CDYL2: variants seen among roughly 807,000 people sequenced by gnomAD.
The protein encoded by CDYL2 is chromodomain Y like 2.
A neutral mutation model predicts 49.4 loss-of-function variants in CDYL2; 23 were observed. That is an observed-to-expected ratio of 0.47 (90% CI 0.34 to 0.66). The LOEUF is 0.66. CDYL2 is among the 30% of genes least tolerant of loss of function. The pLI, the probability that CDYL2 is intolerant of heterozygous loss-of-function variation, is 0.01. For synonymous variants in CDYL2, 360 were observed against 268.8 expected (o/e 1.34, Z -3.32); for missense variants, 678 against 656.4 (o/e 1.03, Z -0.36).
At chr16:80,749,849 A>G (rs1225766174) in intron 1 of CDYL2, among the ~76,000 whole-genome samples, 7 of 152,206 alleles carry the variant, frequency 4.6e-5, no homozygotes, top group East Asian at 1.9e-4. Flanking sequence ...ATGTCCATCA[A>G]TGATAGACTG....
intron 1 of CDYL2, among the ~76,000 whole-genome samples, chr16:80,754,625 C>T (rs1411263893): frequency 6.6e-6 from 1 of 152,172 alleles, no homozygotes; most frequent in East Asian, 1.9e-4. Context: ...GGACAAGTCA[C>T]TTAGCTGTTG....
intron 2 of CDYL2, chr16:80,679,859 G>A (rs1909902983): frequency 4.5e-6 from 2 of 448,230 alleles, no homozygotes; most frequent in Non-Finnish European, 4.5e-6. Context: ...TCTGCTGGAG[G>A]TGCAGATTCT....
Position 80,787,384 on chromosome 16 carries a change from G to A in CDYL2, c.24+16766C>T, listed in dbSNP as rs552567601. Among the ~76,000 whole-genome samples, 101 of 152,306 alleles carry A rather than the reference G, an allele frequency of 6.6e-4. 1 individual carries two copies. In the South Asian group the frequency reaches 7.7e-3, roughly 12 times the overall value. ...CCAGTACTTCCATGCCAAAATGGAA[G>A]AGACTGCCCTTCAAAGCAAAGCACT... On this transcript the variant is annotated intron_variant, in intron 1 of 6. Coordinates refer to ENST00000570137, the MANE Select transcript of CDYL2 (RefSeq NM_152342.4).
At chr16:80,626,275 TAAAAAAAAA>T (rs11358031) in intron 3 of CDYL2, among the ~76,000 whole-genome samples, 5 of 92,298 alleles carry the variant, frequency 5.4e-5, no homozygotes, top group East Asian at 6.3e-4. Flanking sequence ...AAATCCCATC[TAAAAAAAAA>T]AAAAAAAAAA....
rs10673992 is a variant in CDYL2 at position 80,709,561 on chromosome 16, GACACACACACACACACACAC to G, written c.25-24452_25-24433del. On this transcript the variant is annotated intron_variant, in intron 1 of 6. Transcript: ENST00000570137. ...AAACTGAGCCATGCAGGAATAAACA[GACACACACACACACACACAC>G]ACACACACACACACTTCCTCAAACA... is the stretch of plus-strand genomic sequence containing the variant. Among the ~76,000 whole-genome samples the G allele has an allele frequency of 2.8e-5, 4 of 143,754 alleles. No homozygotes were observed. The East Asian group carries it at 8.3e-4, about 30-fold the overall frequency. The allele number at this position is 143,754 out of a possible 152,430, so 94.3% of individuals were successfully genotyped here. A position where few individuals can be genotyped will look rare whatever the true frequency, so the allele number is the denominator to read the frequency against.
intron 1 of CDYL2, among the ~76,000 whole-genome samples, chr16:80,703,305 A>C (rs948423009): frequency 2.0e-5 from 3 of 152,232 alleles, no homozygotes; most frequent in African/African-American, 7.2e-5. Flanking sequence ...ATTTACCTCC[A>C]CAACTAGACT....
At chr16:80,685,905 T>C (rs17825655) in intron 1 of CDYL2, among the ~76,000 whole-genome samples, 2,551 of 152,276 alleles carry the variant, frequency 0.017, 28 homozygotes, top group Admixed American at 0.026. Flanking sequence ...GGACTTGAAC[T>C]GAAAATGTCC....
chr16:80,732,483 T>C (rs767397879), intron 1 of CDYL2, among the ~76,000 whole-genome samples: 1 of 152,290 alleles, frequency 6.6e-6, no homozygotes, highest in Middle Eastern at 3.4e-3. Context: ...TATAAACATA[T>C]AAGCTTGAAT....
At chr16:80,663,871 T>A (rs917493652) in intron 2 of CDYL2, among the ~76,000 whole-genome samples, 1 of 152,112 alleles carries the variant, frequency 6.6e-6, no homozygotes, top group Non-Finnish European at 1.5e-5. Flanking sequence ...GGATTAGAGG[T>A]GTGAGCCACT....
intron 1 of CDYL2, among the ~76,000 whole-genome samples, chr16:80,788,256 G>A (rs1325715646): frequency 6.6e-6 from 1 of 152,276 alleles, no homozygotes; most frequent in East Asian, 1.9e-4. Context: ...GACTTAAATG[G>A]TTTCCACCAT....
At chr16:80,655,400 T>G (rs560291488) in intron 2 of CDYL2, among the ~76,000 whole-genome samples, 1 of 152,276 alleles carries the variant, frequency 6.6e-6, no homozygotes, top group Non-Finnish European at 1.5e-5. Context: ...TGTGCCCTCA[T>G]GGAGCTTGCT....
intron 1 of CDYL2, among the ~76,000 whole-genome samples, chr16:80,803,564 G>C (rs1438275916): frequency 1.3e-5 from 2 of 151,200 alleles, no homozygotes; most frequent in East Asian, 4.0e-4. Flanking sequence ...CCCGGGGAGC[G>C]GTTTGGCGGT....
At chr16:80,667,390 T>C (rs1484038393) in intron 2 of CDYL2, among the ~76,000 whole-genome samples, 1 of 152,236 alleles carries the variant, frequency 6.6e-6, no homozygotes, top group Non-Finnish European at 1.5e-5. Context: ...CCCTTGTACA[T>C]GCTGTCATCA....
At chr16:80,626,056 G>A (rs1302709279) in intron 3 of CDYL2, among the ~76,000 whole-genome samples, 1 of 151,884 alleles carries the variant, frequency 6.6e-6, no homozygotes. Context: ...TTGGAAGGCT[G>A]AGGCAGGCAG....
intron 2 of CDYL2, among the ~76,000 whole-genome samples, chr16:80,645,911 C>T (rs1908319894): frequency 1.4e-5 from 2 of 145,566 alleles, no homozygotes; most frequent in Non-Finnish European, 3.0e-5. Context: ...CGCATGTTCT[C>T]ACTCATAGGT....
intron 3 of CDYL2, among the ~76,000 whole-genome samples, chr16:80,630,611 C>T (rs758275958): frequency 6.6e-6 from 1 of 152,082 alleles, no homozygotes; most frequent in Non-Finnish European, 1.5e-5. Flanking sequence ...GAGGTCTACA[C>T]AGCAGAGAAC....
intron 2 of CDYL2, among the ~76,000 whole-genome samples, chr16:80,633,966 T>A (rs1338539657): frequency 1.3e-5 from 2 of 152,150 alleles, no homozygotes; most frequent in African/African-American, 4.8e-5. Flanking sequence ...TCAGGAGCTC[T>A]GGGATGTGCT....
At chr16:80,714,737 A>G (rs947856852) in intron 1 of CDYL2, among the ~76,000 whole-genome samples, 1 of 152,158 alleles carries the variant, frequency 6.6e-6, no homozygotes, top group Non-Finnish European at 1.5e-5. Flanking sequence ...TCTGCATTCT[A>G]CGCTCAATCC....
At chr16:80,652,231 A>T (rs9935903) in intron 2 of CDYL2, among the ~76,000 whole-genome samples, 1 of 152,120 alleles carries the variant, frequency 6.6e-6, no homozygotes, top group Non-Finnish European at 1.5e-5. Flanking sequence ...CTGTAAGTTT[A>T]TAAGTGCCAG....
Sources: gnomAD v4.1 joint callset for allele counts (sites outside exome capture counted in the v4.1 genomes callset) on GRCh38, gnomAD v4.1.1 for gene constraint, MANE v1.5 for transcripts, NCBI Gene and HGNC (gene_info 2026-07-23, HGNC 2026-07-21) for gene names.